SLC24A3: variants seen among roughly 807,000 people sequenced by gnomAD.
SLC24A3 encodes the protein sodium/potassium/calcium exchanger 3.
In SLC24A3, 28 loss-of-function variants were observed where a neutral mutation model predicts 75.8. That is an observed-to-expected ratio of 0.37 (90% CI 0.27 to 0.51). The LOEUF is 0.51. Ranked by LOEUF, SLC24A3 falls within the 20% of genes least tolerant of loss-of-function variation. SLC24A3 has a pLI of 0.94. For missense variants in SLC24A3, 663 were observed against 847.8 expected, an observed-to-expected ratio of 0.78 and a Z score of 2.71; for synonymous variants, 372 against 334.1, an observed-to-expected ratio of 1.11 and a Z score of -1.24.
intron 2 of SLC24A3, among the ~76,000 whole-genome samples, chr20:19,384,412 A>G (rs941353180): frequency 6.6e-6 from 1 of 152,140 alleles, no homozygotes; most frequent in Non-Finnish European, 1.5e-5. Flanking sequence ...TTCCACATAT[A>G]AGTCATATCA....
chr20:19,639,459 CA>C (rs765059697), intron 6 of SLC24A3, among the ~76,000 whole-genome samples: 15 of 152,240 alleles, frequency 9.9e-5, no homozygotes, highest in Non-Finnish European at 1.8e-4. Flanking sequence ...GGTGTATTTA[CA>C]AACCTTGAGC....
At chr20:19,612,607 AGTGTGTGTGT>A (rs71198018) in intron 6 of SLC24A3, among the ~76,000 whole-genome samples, 4 of 146,938 alleles carry the variant, frequency 2.7e-5, no homozygotes, top group Middle Eastern at 3.5e-3. Flanking sequence ...CCTTAAGAAA[AGTGTGTGTGT>A]GTGTGTGTGT....
At chr20:19,555,033 G>A (rs2030760628) in intron 3 of SLC24A3, among the ~76,000 whole-genome samples, 2 of 152,184 alleles carry the variant, frequency 1.3e-5, no homozygotes, top group Admixed American at 6.5e-5. Context: ...TTCCTATTAG[G>A]TAAAGAAGTA....
intron 3 of SLC24A3, among the ~76,000 whole-genome samples, chr20:19,555,999 T>C (rs1011759769): frequency 7.2e-5 from 11 of 152,144 alleles, no homozygotes; most frequent in African/African-American, 2.4e-4. Flanking sequence ...GCCAGGAGAT[T>C]TGGTGTCTGG....
chr20:19,385,744 T>G (rs1043879375), intron 2 of SLC24A3, among the ~76,000 whole-genome samples: 8 of 151,898 alleles, frequency 5.3e-5, no homozygotes, highest in African/African-American at 1.7e-4. Flanking sequence ...TGGGCTCAAA[T>G]GATCCTCTTA....
chr20:19,637,490 T>C (rs1342887891), intron 6 of SLC24A3, among the ~76,000 whole-genome samples: 1 of 152,220 alleles, frequency 6.6e-6, no homozygotes, highest in Non-Finnish European at 1.5e-5. Context: ...AAGAACATAA[T>C]CTTTTGAATA....
intron 11 of SLC24A3, among the ~76,000 whole-genome samples, 156 bp downstream of exon 11, chr20:19,684,492 T>G (rs1318961024): frequency 6.6e-6 from 1 of 152,198 alleles, no homozygotes; most frequent in Non-Finnish European, 1.5e-5. Flanking sequence ...CTGGGCCAGC[T>G]GTATATCTGG....
intron 2 of SLC24A3, among the ~76,000 whole-genome samples, chr20:19,301,362 C>T (rs1032461087): frequency 3.3e-5 from 5 of 152,150 alleles, no homozygotes; most frequent in Non-Finnish European, 5.9e-5. Context: ...CCTCTTAAGA[C>T]CGTAAGTTAG....
At chr20:19,548,973 A>T (rs1368588072) in intron 3 of SLC24A3, among the ~76,000 whole-genome samples, 1 of 152,228 alleles carries the variant, frequency 6.6e-6, no homozygotes, top group Non-Finnish European at 1.5e-5. Flanking sequence ...CTTTCCATAG[A>T]GCCAACCAAG....
intron 1 of SLC24A3, 167 bp downstream of exon 1, chr20:19,213,151 C>A: frequency 2.7e-6 from 2 of 742,036 alleles, no homozygotes. Context: ...CCCTGCCCCA[C>A]GCAGAGGCAT....
chr20:19,386,882 T>C (rs1312642145), intron 2 of SLC24A3, among the ~76,000 whole-genome samples: 1 of 152,142 alleles, frequency 6.6e-6, no homozygotes, highest in East Asian at 1.9e-4. Flanking sequence ...TTCTTTCTTG[T>C]GATGTCTTTG....
In SLC24A3 at chr20:19,537,760, G is replaced by C. The variant is rs933807755; in HGVS notation, c.348+22196G>C. Among the ~76,000 whole-genome samples, 13 of 151,638 alleles carry C rather than the reference G, an allele frequency of 8.6e-5. No individual in the cohort carries two copies. The South Asian group carries it at 1.0e-3, about 12-fold the overall frequency. ...GGATGAAGCTGGAAACCATCATTCT[G>C]AGCAAACTATTGCAAGGACAAAAAA... On this transcript the variant is annotated intron_variant, in intron 3 of 16. Coordinates refer to ENST00000328041, the MANE Select transcript of SLC24A3 (RefSeq NM_020689.4).
chr20:19,534,579 T>A (rs1410724149), intron 3 of SLC24A3, among the ~76,000 whole-genome samples: 1 of 152,068 alleles, frequency 6.6e-6, no homozygotes, highest in Non-Finnish European at 1.5e-5. Context: ...CCTGGCTAAT[T>A]TGTTCGTATT....
rs566136393 is a variant in SLC24A3 at position 19,462,370 on chromosome 20, C to T, written c.272-53118C>T. On this transcript the variant is annotated intron_variant, in intron 2 of 16. Coordinates refer to ENST00000328041, the MANE Select transcript of SLC24A3 (RefSeq NM_020689.4). ...CACCTCCTGGGTTCACGCCATTCTC[C>T]TGCCTCAGCCTCCCTAGTAGGGACT... 7.2e-5 allele frequency among the ~76,000 whole-genome samples: 11 copies of T among 152,202 alleles called. 1 individual carries two copies. Among genetic ancestry groups the T allele is most frequent in the African/African-American group, 2.6e-4 (11 of 41,542 alleles).
intron 1 of SLC24A3, among the ~76,000 whole-genome samples, chr20:19,239,972 C>G (rs1049260999): frequency 1.3e-5 from 2 of 152,178 alleles, no homozygotes; most frequent in African/African-American, 4.8e-5. Flanking sequence ...TGAGTCTTTT[C>G]TGTCTTCCTG....
At chr20:19,432,994 T>C (rs1314193839) in intron 2 of SLC24A3, among the ~76,000 whole-genome samples, 3 of 152,204 alleles carry the variant, frequency 2.0e-5, no homozygotes, top group Admixed American at 2.0e-4. Context: ...AATTGCAACC[T>C]CGGGCATAAA....
intron 6 of SLC24A3, among the ~76,000 whole-genome samples, chr20:19,631,007 T>C (rs980049409): frequency 6.6e-6 from 1 of 152,198 alleles, no homozygotes; most frequent in Admixed American, 6.5e-5. Flanking sequence ...ACCATGACCA[T>C]GTCAATATGT....
intron 2 of SLC24A3, among the ~76,000 whole-genome samples, chr20:19,437,122 G>C (rs546114118): frequency 1.3e-5 from 2 of 152,204 alleles, no homozygotes; most frequent in Admixed American, 1.3e-4. Context: ...GTCAATGTAG[G>C]GGGGAGAGAG....
intron 2 of SLC24A3, among the ~76,000 whole-genome samples, chr20:19,439,823 G>T (rs1300892391): frequency 6.6e-6 from 1 of 152,208 alleles, no homozygotes; most frequent in Admixed American, 6.5e-5. Flanking sequence ...CGGTCTCTCC[G>T]TGTAGACGTT....
Sources: allele counts gnomAD v4.1 joint callset (sites outside exome capture counted in the v4.1 genomes callset), GRCh38; gene constraint gnomAD v4.1.1; transcripts MANE v1.5; gene names NCBI Gene and HGNC (gene_info 2026-07-23, HGNC 2026-07-21).